Variants in ZBTB24 observed in about 807,000 individuals in gnomAD.
ZBTB24 encodes the protein zinc finger and BTB domain containing 24.
ZBTB24 carries 32 observed loss-of-function variants against 53.8 expected under a neutral mutation model. The observed-to-expected ratio is 0.60, with a 90% CI of 0.45 to 0.80. The LOEUF (loss-of-function observed/expected upper bound fraction) is 0.80, where lower values mean the gene tolerates loss of function less well. Among genes scored for constraint, ZBTB24 ranks in the 30% least tolerant of loss-of-function variants. The probability of loss-of-function intolerance (pLI) is 0.00; values close to 1 mark genes in which losing one functional copy is unlikely to be tolerated. For synonymous variants in ZBTB24, 297 were observed against 306.7 expected, an observed-to-expected ratio of 0.97 and a Z score of 0.33; for missense variants, 722 against 837.1, an observed-to-expected ratio of 0.86 and a Z score of 1.70.
At chr6:109,467,865 G>GT in intron 5 of ZBTB24, 131 bp from the exon 6 acceptor site, 1 of 1,051,304 alleles carries the variant, frequency 9.5e-7, no homozygotes, top group Non-Finnish European at 1.4e-6. Context: ...AATCCCCTCC[G>GT]TAAGCGTAAA....
chr6:109,479,915 CAAAAAAA>C (rs200514874), intron 2 of ZBTB24, among the ~76,000 whole-genome samples: 139 of 41,812 alleles, frequency 3.3e-3, no homozygotes, highest in African/African-American at 0.012. Context: ...GAATCCATCT[CAAAAAAA>C]AAAAAAAAAA....
rs1014647086 is a variant in ZBTB24 at position 109,463,868 on chromosome 6, C to T, written c.*1983G>A. On this transcript the variant is annotated 3_prime_UTR_variant, in exon 7 of 7. Coordinates refer to ENST00000230122, the MANE Select transcript of ZBTB24 (RefSeq NM_014797.3). ...ATGTTTTTAAAAGTTGCTACTAGAA[C>T]ATTTAAAGTGACCTATGTTGTTCAT... 2.6e-5 allele frequency: 4 copies of T among 152,148 alleles called. No individual in the cohort carries two copies. The highest frequency in any genetic ancestry group is 3.8e-4 in the East Asian group (2 of 5,198). The allele number at this position is 152,148 out of a possible 1,614,324, so 9.4% of individuals were successfully genotyped here.
At chr6:109,472,228 T>C (rs1254947690) in intron 5 of ZBTB24, among the ~76,000 whole-genome samples, 1 of 152,124 alleles carries the variant, frequency 6.6e-6, no homozygotes, top group South Asian at 2.1e-4. Context: ...TCCATGCTGA[T>C]GCTAGGGACA....
rs1284607049 is a variant in ZBTB24 at position 109,466,577 on chromosome 6, G to GT, written c.1371-4dup. 3 of 1,608,638 alleles carry GT rather than the reference G, an allele frequency of 1.9e-6. No homozygotes were observed. Among genetic ancestry groups the GT allele is most frequent in the Non-Finnish European group, 2.5e-6 (3 of 1,180,006 alleles). On this transcript the variant is annotated splice_polypyrimidine_tract_variant and splice_region_variant and intron_variant, in intron 6 of 6. Coordinates refer to ENST00000230122, the MANE Select transcript of ZBTB24 (RefSeq NM_014797.3). ...CACAGGAGTATGGCTTTTCTCCTCT[G>GT]TAAGAAAATAAACATTTTATTTTTA...
chr6:109,467,624 A>C (rs751204409), intron 6 of ZBTB24, 29 bp downstream of exon 6: 11 of 1,614,080 alleles, frequency 6.8e-6, no homozygotes, highest in East Asian at 2.2e-5. Flanking sequence ...TGAGGCCTCC[A>C]TGCGAGAAAA....
At chr6:109,476,976 A>G (rs1776291673) in intron 2 of ZBTB24, 46 bp from the exon 3 acceptor site, 2 of 1,602,658 alleles carry the variant, frequency 1.2e-6, no homozygotes, top group African/African-American at 2.7e-5. Context: ...GAATCCACAC[A>G]TTTTTCTGTC....
intron 5 of ZBTB24, among the ~76,000 whole-genome samples, chr6:109,469,698 C>T (rs1776126108): frequency 6.6e-6 from 1 of 152,210 alleles, no homozygotes; most frequent in South Asian, 2.1e-4. Context: ...AGGAGATGCA[C>T]AAACTAATTA....
At position 109,464,986 on chromosome 6, in the gene ZBTB24, G is replaced by A. The variant is rs1464484400; in HGVS notation, c.*865C>T. 2 of 152,210 alleles carry A rather than the reference G, an allele frequency of 1.3e-5. No homozygotes were observed. Among genetic ancestry groups the A allele is most frequent in the Non-Finnish European group, 2.9e-5 (2 of 68,056 alleles). 9.4% of individuals were successfully genotyped at this position (152,210 alleles called of 1,614,324 possible). On this transcript the variant is annotated 3_prime_UTR_variant, in exon 7 of 7. Coordinates refer to ENST00000230122, the MANE Select transcript of ZBTB24 (RefSeq NM_014797.3). Reference sequence around the variant, plus strand: ...TAAGACTTAAATTACACTGAATAAAGTTTTATGTTCCAGAATAGTGAAGAA... The same window carrying A: ...TAAGACTTAAATTACACTGAATAAAATTTTATGTTCCAGAATAGTGAAGAA...
chr6:109,468,932 GAAAAA>G (rs61250996), intron 5 of ZBTB24, among the ~76,000 whole-genome samples: 3 of 120,022 alleles, frequency 2.5e-5, no homozygotes, highest in Non-Finnish European at 5.4e-5. Context: ...TGGAAAAAAA[GAAAAA>G]AAAAAAAAAA....
intron 5 of ZBTB24, among the ~76,000 whole-genome samples, chr6:109,472,566 A>G (rs1051173892): frequency 6.6e-6 from 1 of 152,120 alleles, no homozygotes; most frequent in African/African-American, 2.4e-5. Flanking sequence ...TGACCAAGCC[A>G]GCTCCACGCT....
At chr6:109,469,094 G>A (rs1023058861) in intron 5 of ZBTB24, among the ~76,000 whole-genome samples, 9 of 152,338 alleles carry the variant, frequency 5.9e-5, no homozygotes, top group African/African-American at 1.7e-4. Context: ...CATCGAGGCA[G>A]AGGACAGCTG....
At chr6:109,482,850 G>C (rs1428029405) in intron 1 of ZBTB24, among the ~76,000 whole-genome samples, 1 of 152,244 alleles carries the variant, frequency 6.6e-6, no homozygotes, top group East Asian at 1.9e-4. Context: ...CGTGCAAAGT[G>C]AATGTGAGGT....
intron 5 of ZBTB24, among the ~76,000 whole-genome samples, chr6:109,473,364 T>C (rs935136578): frequency 2.0e-5 from 3 of 152,126 alleles, no homozygotes; most frequent in Non-Finnish European, 4.4e-5. Flanking sequence ...CATTTATTCC[T>C]GCCTGAGGGC....
chr6:109,466,464 T>G lies in ZBTB24; in HGVS notation c.1481A>C (p.Glu494Ala). The G allele has an allele frequency of 6.2e-7, 1 of 1,614,224 alleles. No homozygotes were observed. The highest frequency in any genetic ancestry group is 8.5e-7 in the Non-Finnish European group (1 of 1,180,052). ...TAAGCGAGCAAACTGTAAGTTACACTCAGGGCAGGAGAAAGGCTTCTTGCC... is the reference window on the plus strand; with the variant it reads ...TAAGCGAGCAAACTGTAAGTTACACGCAGGGCAGGAGAAAGGCTTCTTGCC... ...HTGKKPFSCP[E>A]CNLQFARLDN... The change falls in exon 7 of 7, where the codon GAG (glutamate) becomes GCG (alanine). Residue 494 changes from glutamate (E) to alanine (A), a missense_variant. Coordinates refer to ENST00000230122, the MANE Select transcript of ZBTB24 (RefSeq NM_014797.3).
rs73520940 is a variant in ZBTB24, at chr6:109,482,791, T to G, written c.-29+307A>C. 7.9e-3 allele frequency among the ~76,000 whole-genome samples: 1,210 copies of G among 152,340 alleles called. 26 individuals carry two copies. Among genetic ancestry groups the G allele is most frequent in the African/African-American group, 0.026 (1,072 of 41,582 alleles). The stretch of plus-strand genomic sequence containing the variant: ...GAAGCTGCCTCCATCTCCCAGATTA[T>G]TAGCCATTTCGTATGTGGGAACCAA... On this transcript the variant is annotated intron_variant, in intron 1 of 6. Transcript: ENST00000230122.
rs1286216996 is a variant in ZBTB24 at position 109,462,811 on chromosome 6, C to A, written c.*3040G>T. ...TCAAAACGAGGTGTTTCAGGAGCCC[C>A]AAAGCATAACATTCTATTTCCTAAG... On this transcript the variant is annotated 3_prime_UTR_variant, in exon 7 of 7. Transcript: ENST00000230122. 1 of 152,100 alleles carries A rather than the reference C, an allele frequency of 6.6e-6. No homozygotes were observed. The highest frequency in any genetic ancestry group is 1.9e-4 in the East Asian group (1 of 5,192). The allele number at this position is 152,100 out of a possible 1,614,324, so 9.4% of individuals were successfully genotyped here. A position where few individuals can be genotyped will look rare whatever the true frequency, so the allele number is the denominator to read the frequency against.
At chr6:109,467,407 A>C (rs547370556) in intron 6 of ZBTB24, among the ~76,000 whole-genome samples, 3 of 152,300 alleles carry the variant, frequency 2.0e-5, no homozygotes, top group South Asian at 2.1e-4. Context: ...GTTACTCAGG[A>C]GGCCACGGTG....
At chr6:109,469,226 C>A (rs1418352007) in intron 5 of ZBTB24, among the ~76,000 whole-genome samples, 1 of 152,230 alleles carries the variant, frequency 6.6e-6, no homozygotes, top group Non-Finnish European at 1.5e-5. Flanking sequence ...CTTCTCTGAT[C>A]TTGGTTGGTT....
At chr6:109,479,145 AAGAC>A (rs1383112821) in intron 2 of ZBTB24, among the ~76,000 whole-genome samples, 1 of 152,192 alleles carries the variant, frequency 6.6e-6, no homozygotes, top group Non-Finnish European at 1.5e-5. Context: ...CCAGAACTGA[AAGAC>A]AGTTTCCAAA....
Sources: allele counts gnomAD v4.1 joint callset (sites outside exome capture counted in the v4.1 genomes callset), GRCh38; gene constraint gnomAD v4.1.1; transcripts MANE v1.5; gene names NCBI Gene and HGNC (gene_info 2026-07-23, HGNC 2026-07-21).